The following EVC2 variants were observed in gnomAD, a reference collection of about 807,000 sequenced individuals.
EVC2 encodes limbin.
EVC2 carries 148 observed loss-of-function variants against 149.3 expected under a neutral mutation model. That is an observed-to-expected ratio of 0.99 (90% confidence interval 0.87 to 1.14). The LOEUF is 1.14. EVC2 is among the 50% of genes most tolerant of loss of function. EVC2 has a pLI of 0.00. For synonymous variants in EVC2, 776 were observed against 649.9 expected (o/e 1.19, Z -2.95); for missense variants, 1,854 against 1,627.3 (o/e 1.14, Z -2.40).
At position 5,691,979 on chromosome 4, in the gene EVC2, G is replaced by A. The variant is rs534270356; in HGVS notation, c.451-646C>T. ...GCTCTTGCCATGCTCCCTGCCCCAGGGCCCTGCAGTATCCACACACCTCCT... is the reference window on the plus strand; with the variant it reads ...GCTCTTGCCATGCTCCCTGCCCCAGAGCCCTGCAGTATCCACACACCTCCT... On this transcript the variant is annotated intron_variant, in intron 3 of 21. Transcript: ENST00000344408. 2.6e-5 allele frequency among the ~76,000 whole-genome samples: 4 copies of A among 152,226 alleles called. No homozygotes were observed. The South Asian group carries it at 6.2e-4, about 24-fold the overall frequency.
intron 6 of EVC2, among the ~76,000 whole-genome samples, chr4:5,681,884 T>G (rs1057328725): frequency 1.3e-5 from 2 of 152,092 alleles, no homozygotes. Context: ...TACTTCTTCC[T>G]GGGGGTAAAG....
At chr4:5,553,323 G>C (rs1386531152) in intron 21 of EVC2, among the ~76,000 whole-genome samples, 1 of 152,176 alleles carries the variant, frequency 6.6e-6, no homozygotes, top group Non-Finnish European at 1.5e-5. Context: ...AAAGGGGATG[G>C]TGCTGAACCA....
Position 5,568,547 on chromosome 4 carries a change from G to A in EVC2, c.3454C>T (p.Gln1152Ter), listed in dbSNP as rs1166534919. 1.2e-6 allele frequency: 2 copies of A among 1,603,806 alleles called. No homozygotes were observed. Among genetic ancestry groups the A allele is most frequent in the African/African-American group, 1.3e-5 (1 of 74,964 alleles). ...LLSVVLPTAS[Q>*]PQLLALLDSA... is the part of the protein sequence containing the mutation. ...TCCAGCAGGGCCAGCAGCTGAGGCT[G>A]TGAGGCTGTGGGCAGTACCACACTC... Residue 1152 changes from glutamine (Q) to a stop codon, truncating the protein, a stop_gained, in exon 20 of 22, where the codon CAG becomes TAG. Transcript: ENST00000344408. LOFTEE classifies it high-confidence loss of function.
At position 5,651,320 on chromosome 4, in the gene EVC2, T is replaced by C. The variant is rs374903230; in HGVS notation, c.1146-10482A>G. ...ACAGATGGGTGAATGGGCAAATTGA[T>C]AGATGGGCAGATAGGTGGATGAGTA... is the stretch of plus-strand genomic sequence containing the variant. On this transcript the variant is annotated intron_variant, in intron 9 of 21. Transcript: ENST00000344408. Among the ~76,000 whole-genome samples the C allele has an allele frequency of 2.2e-4, 33 of 151,888 alleles. 1 individual carries two copies. Among genetic ancestry groups the C allele is most frequent in the African/African-American group, 4.6e-4 (19 of 41,416 alleles).
chr4:5,596,490 A>G (rs1395751128), intron 16 of EVC2, among the ~76,000 whole-genome samples: 2 of 152,232 alleles, frequency 1.3e-5, no homozygotes, highest in Admixed American at 6.5e-5. Context: ...AACAAAATGA[A>G]GGCAGAAATA....
At chr4:5,669,352 G>C (rs1182293078) in intron 7 of EVC2, among the ~76,000 whole-genome samples, 2 of 152,150 alleles carry the variant, frequency 1.3e-5, no homozygotes, top group Non-Finnish European at 2.9e-5. Flanking sequence ...TCTACTGATA[G>C]ACAAATGGAG....
At chr4:5,660,993 AG>A (rs1718841159) in intron 9 of EVC2, among the ~76,000 whole-genome samples, 1 of 152,228 alleles carries the variant, frequency 6.6e-6, no homozygotes, top group African/African-American at 2.4e-5. Flanking sequence ...AAATTAAATA[AG>A]GGGTGTGCAC....
intron 1 of EVC2, among the ~76,000 whole-genome samples, chr4:5,700,053 T>C (rs773476860): frequency 4.6e-5 from 7 of 152,022 alleles, no homozygotes; most frequent in Non-Finnish European, 7.4e-5. Context: ...AGCAGGAGAA[T>C]CACTTGAACC....
chr4:5,657,568 A>C lies in EVC2; in HGVS notation c.1145+5539T>G, dbSNP rs1430625174. Among the ~76,000 whole-genome samples the C allele has an allele frequency of 6.6e-6, 1 of 151,872 alleles. No homozygotes were observed. The highest frequency in any genetic ancestry group is 1.9e-4 in the East Asian group (1 of 5,156). On this transcript the variant is annotated intron_variant, in intron 9 of 21. Transcript: ENST00000344408. This position sits in a 1 kb window ranked among gnomAD's most constrained non-coding sequence, Gnocchi z 4.7. Reference sequence around the variant, plus strand: ...TGCTATCATGTACCTTATAGCCTCAAATTTTCTCTGCAGGCGACTTTCCAC... The same window carrying C: ...TGCTATCATGTACCTTATAGCCTCACATTTTCTCTGCAGGCGACTTTCCAC...
At chr4:5,664,437 T>C (rs1719117338) in intron 8 of EVC2, among the ~76,000 whole-genome samples, 1 of 152,220 alleles carries the variant, frequency 6.6e-6, no homozygotes, top group Non-Finnish European at 1.5e-5. Context: ...GTTCTTATGA[T>C]CTGCCTTAAT....
In EVC2 at chr4:5,613,577, C is replaced by T. The variant is rs547081849; in HGVS notation, c.2829+1845G>A. 3.7e-4 allele frequency among the ~76,000 whole-genome samples: 57 copies of T among 152,212 alleles called. 1 individual carries two copies. In the South Asian group the frequency reaches 8.5e-3, roughly 23 times the overall value. ...CTGGGACAGCTTGGCTTACCTCTCT[C>T]GCTTCTCTTTGGGACCCCAACTTCT... is the stretch of plus-strand genomic sequence containing the variant. On this transcript the variant is annotated intron_variant, in intron 16 of 21. Coordinates refer to ENST00000344408, the MANE Select transcript of EVC2 (RefSeq NM_147127.5). The surrounding 1 kb of genome is among the most constrained non-coding windows in gnomAD (Gnocchi z 4.6).
chr4:5,531,792 T>C, the EVC2 span, among the ~76,000 whole-genome samples: 1 of 151,964 alleles, frequency 6.6e-6, no homozygotes, highest in African/African-American at 2.4e-5. Context: ...TATATTACAA[T>C]GTAATAATAA....
At position 5,628,764 on chromosome 4, in the gene EVC2, A is replaced by T. The variant is rs368315289; in HGVS notation, c.1711-30T>A. 60 of 1,590,604 alleles carry T rather than the reference A, an allele frequency of 3.8e-5. No homozygotes were observed. In the African/African-American group the frequency reaches 6.1e-4, roughly 16 times the overall value. ...CAATTAAAAAAAAAAACAAGAAAAT[A>T]TGCCTAATTAAAATTTAGAGCATAA... On this transcript the variant is annotated intron_variant, in intron 11 of 21. Transcript: ENST00000344408.
In EVC2 at chr4:5,681,543, T is replaced by A. The variant is rs188355955; in HGVS notation, c.817-230A>T. 7.9e-5 allele frequency among the ~76,000 whole-genome samples: 12 copies of A among 152,236 alleles called. No individual in the cohort carries two copies. In the East Asian group the frequency reaches 1.9e-3, roughly 25 times the overall value. ...AATCCAAACACCAGCTTCGCTAACA[T>A]CCAGAGAAAGTCATGGCAGCATGCC... On this transcript the variant is annotated intron_variant, in intron 6 of 21. Transcript: ENST00000344408.
At position 5,695,310 on chromosome 4, in the gene EVC2, T is replaced by C. The variant is rs182988639; in HGVS notation, c.284-809A>G. Reference sequence around the variant, plus strand: ...TTGCAGTGAGCCGAGATCATGCCACTGCACTCCAGTCTGGGCGACAGAGCA... The same window carrying C: ...TTGCAGTGAGCCGAGATCATGCCACCGCACTCCAGTCTGGGCGACAGAGCA... On this transcript the variant is annotated intron_variant, in intron 2 of 21. Coordinates refer to ENST00000344408, the MANE Select transcript of EVC2 (RefSeq NM_147127.5). 5.5e-3 allele frequency among the ~76,000 whole-genome samples: 815 copies of C among 147,566 alleles called. 8 individuals carry two copies. Among genetic ancestry groups the C allele is most frequent in the African/African-American group, 0.02 (780 of 39,764 alleles).
chr4:5,659,953 T>C (rs1273412914), intron 9 of EVC2, among the ~76,000 whole-genome samples: 1 of 152,234 alleles, frequency 6.6e-6, no homozygotes, highest in East Asian at 1.9e-4. Context: ...TCATGTTTTG[T>C]AAGAAAACAG....
At chr4:5,542,685 G>A (rs1721535894), downstream of EVC2, 1 of 156,824 alleles carries the variant, frequency 6.4e-6, no homozygotes, top group South Asian at 1.9e-4. Flanking sequence ...AAATGGGGAT[G>A]ATAATAGTAG....
At position 5,622,661 on chromosome 4, in the gene EVC2, C is replaced by T. The variant is rs141172036; in HGVS notation, c.2377G>A (p.Gly793Arg). The change falls in exon 14 of 22, where the codon GGG becomes AGG. Residue 793 changes from glycine to arginine, a missense_variant. Coordinates refer to ENST00000344408, the MANE Select transcript of EVC2 (RefSeq NM_147127.5). The surrounding 1 kb of genome is among the most constrained non-coding windows in gnomAD (Gnocchi z 5.8). The part of the protein sequence containing the change: ...EMAARAEQLE[G>R]EERDRDQEGV... Reference sequence around the variant, plus strand: ...TCCTGGTCCCTGTCCCTCTCCTCCCCCTCCAGCTGCTCGGCCCGTGCAGCC... The same window carrying T: ...TCCTGGTCCCTGTCCCTCTCCTCCCTCTCCAGCTGCTCGGCCCGTGCAGCC... 9.3e-6 allele frequency: 15 copies of T among 1,614,010 alleles called. No homozygotes were observed. The highest frequency in any genetic ancestry group is 5.3e-5 in the African/African-American group (4 of 74,920).
At chr4:5,589,650 G>A (rs777479103) in intron 16 of EVC2, among the ~76,000 whole-genome samples, 5 of 148,288 alleles carry the variant, frequency 3.4e-5, no homozygotes, top group East Asian at 1.9e-4. Context: ...GGACAATGAC[G>A]GGGTGAATTC....
Sources: allele counts gnomAD v4.1 joint callset (sites outside exome capture counted in the v4.1 genomes callset), GRCh38; gene constraint gnomAD v4.1.1; non-coding constraint Gnocchi (gnomAD v3.1); transcripts MANE v1.5; gene names NCBI Gene and HGNC (gene_info 2026-07-23, HGNC 2026-07-21).